The following CHODL variants were observed in gnomAD, a reference collection of about 807,000 sequenced individuals.
The protein encoded by CHODL is transmembrane protein MT75.
A neutral mutation model predicts 34.5 loss-of-function variants in CHODL; 29 were observed. That is an observed-to-expected ratio of 0.84 (90% CI 0.63 to 1.15). The LOEUF is 1.15. Among genes scored for constraint, CHODL ranks in the 50% most tolerant of loss-of-function variants. CHODL has a pLI of 0.00. For synonymous variants in CHODL, 125 were observed against 116.1 expected, an observed-to-expected ratio of 1.08 and a Z score of -0.49; for missense variants, 332 against 332.5, an observed-to-expected ratio of 1.00 and a Z score of 0.01.
At chr21:18,029,119 A>T (rs924853474) in intron 2 of CHODL, among the ~76,000 whole-genome samples, 1 of 152,128 alleles carries the variant, frequency 6.6e-6, no homozygotes, top group African/African-American at 2.4e-5. Flanking sequence ...ATGAGGTGAG[A>T]AGTCACTTTC....
intron 1 of CHODL, among the ~76,000 whole-genome samples, chr21:17,933,646 C>T (rs537005766): frequency 2.7e-4 from 40 of 147,058 alleles, no homozygotes; most frequent in African/African-American, 9.2e-4. Flanking sequence ...TCTTTCTACA[C>T]AGACACAGTA....
intron 2 of CHODL, among the ~76,000 whole-genome samples, chr21:18,119,303 A>G (rs888123691): frequency 6.6e-6 from 1 of 151,876 alleles, no homozygotes; most frequent in Non-Finnish European, 1.5e-5. Flanking sequence ...GCTGAGAGGT[A>G]GTAGACAAAG....
intron 2 of CHODL, among the ~76,000 whole-genome samples, chr21:18,181,519 C>A (rs1459544744): frequency 1.3e-5 from 2 of 152,216 alleles, no homozygotes; most frequent in Non-Finnish European, 2.9e-5. Flanking sequence ...TCTCCTGCCT[C>A]AGCCTCCCGA....
At chr21:18,220,518 T>C (rs1568942514) in intron 2 of CHODL, among the ~76,000 whole-genome samples, 1 of 152,204 alleles carries the variant, frequency 6.6e-6, no homozygotes. Flanking sequence ...TATACTTACA[T>C]GTATTTTACA....
chr21:18,174,965 C>T (rs1480444553), intron 2 of CHODL, among the ~76,000 whole-genome samples: 1 of 152,170 alleles, frequency 6.6e-6, no homozygotes, highest in East Asian at 1.9e-4. Flanking sequence ...AGCTATGTTT[C>T]TTTTAGCAAG....
intron 2 of CHODL, among the ~76,000 whole-genome samples, chr21:18,042,040 C>G (rs185521390): frequency 3.3e-5 from 5 of 151,862 alleles, no homozygotes; most frequent in African/African-American, 1.2e-4. Context: ...AAACATTAAA[C>G]AGCTTATCAC....
chr21:17,938,298 G>A (rs1270004883), intron 1 of CHODL, among the ~76,000 whole-genome samples: 1 of 151,886 alleles, frequency 6.6e-6, no homozygotes, highest in Non-Finnish European at 1.5e-5. Context: ...GGACACAAAG[G>A]CAAGGTTCTG....
chr21:17,999,690 A>C (rs1312571045), intron 1 of CHODL, among the ~76,000 whole-genome samples: 1 of 152,206 alleles, frequency 6.6e-6, no homozygotes, highest in East Asian at 1.9e-4. Flanking sequence ...TATCACGAGA[A>C]TAGCATGGGA....
chr21:18,161,135 T>C (rs1264282853), intron 2 of CHODL, among the ~76,000 whole-genome samples: 1 of 152,204 alleles, frequency 6.6e-6, no homozygotes. Flanking sequence ...TTTTGGAAAG[T>C]GTCTGTTCAT....
chr21:18,200,615 A>G (rs751404430), intron 2 of CHODL, among the ~76,000 whole-genome samples: 8 of 152,198 alleles, frequency 5.3e-5, no homozygotes, highest in Non-Finnish European at 1.0e-4. Context: ...CAATTCTTAG[A>G]ATGGAAAAAA....
chr21:18,088,019 T>C (rs1277806268), intron 2 of CHODL, among the ~76,000 whole-genome samples: 4 of 151,970 alleles, frequency 2.6e-5, no homozygotes, highest in Non-Finnish European at 5.9e-5. Flanking sequence ...GCTATACACT[T>C]TAAACCAGAT....
intron 2 of CHODL, among the ~76,000 whole-genome samples, chr21:18,137,467 G>T (rs761046161): frequency 6.6e-6 from 1 of 152,090 alleles, no homozygotes; most frequent in Non-Finnish European, 1.5e-5. Context: ...TACTTAGAGC[G>T]TTTTTCAACA....
intron 2 of CHODL, among the ~76,000 whole-genome samples, chr21:18,030,384 G>C (rs1444588762): frequency 6.6e-6 from 1 of 152,154 alleles, no homozygotes; most frequent in East Asian, 1.9e-4. Flanking sequence ...TCCTCCTTCA[G>C]TTGAGCCAGT....
At chr21:18,079,869 T>C (rs2064919995) in intron 2 of CHODL, among the ~76,000 whole-genome samples, 1 of 92,114 alleles carries the variant, frequency 1.1e-5, no homozygotes, top group East Asian at 2.0e-4. Flanking sequence ...GATTGCTAGA[T>C]TGAATGGCAG....
At chr21:17,960,022 G>A (rs2063520599) in intron 1 of CHODL, among the ~76,000 whole-genome samples, 1 of 152,138 alleles carries the variant, frequency 6.6e-6, no homozygotes, top group Admixed American at 6.5e-5. Flanking sequence ...AGATGATTAT[G>A]AGATGAAGAG....
chr21:18,135,497 A>C (rs1204520907), intron 2 of CHODL, among the ~76,000 whole-genome samples: 1 of 152,074 alleles, frequency 6.6e-6, no homozygotes, highest in Non-Finnish European at 1.5e-5. Context: ...CAATCCACAG[A>C]CTGCCATATT....
chr21:18,112,731 G>A (rs2065366463), intron 2 of CHODL, among the ~76,000 whole-genome samples: 1 of 152,122 alleles, frequency 6.6e-6, no homozygotes. Context: ...AATTAAACTA[G>A]ACCCCTATCT....
intron 2 of CHODL, among the ~76,000 whole-genome samples, chr21:18,195,837 A>G (rs1410820817): frequency 1.3e-5 from 2 of 152,218 alleles, no homozygotes; most frequent in Admixed American, 1.3e-4. Context: ...AAAAGTATTT[A>G]AATAATAAAT....
intron 2 of CHODL, among the ~76,000 whole-genome samples, chr21:18,046,952 A>G (rs1261176451): frequency 1.3e-5 from 2 of 151,948 alleles, no homozygotes; most frequent in Admixed American, 6.6e-5. Context: ...TTCTACACCA[A>G]TCCACAGGTC....
Sources: gnomAD v4.1 joint callset for allele counts (sites outside exome capture counted in the v4.1 genomes callset) on GRCh38, gnomAD v4.1.1 for gene constraint, MANE v1.5 for transcripts, NCBI Gene and HGNC (gene_info 2026-07-23, HGNC 2026-07-21) for gene names.